The following CCDC117 variants were observed in gnomAD, a reference collection of about 807,000 sequenced individuals.
CCDC117 encodes the protein coiled-coil domain containing 117.
A neutral mutation model predicts 23.5 loss-of-function variants in CCDC117; 1 was observed. The observed-to-expected ratio is 0.04, with a 90% CI of 0.02 to 0.20. The LOEUF is 0.20. Among genes scored for constraint, CCDC117 ranks in the 10% least tolerant of loss-of-function variants. The pLI is 1.00. For missense variants in CCDC117, 383 were observed against 348.2 expected (o/e 1.10, Z -0.80); for synonymous variants, 132 against 124.8 (o/e 1.06, Z -0.39).
At chr22:28,782,250 CTTTTTTTTTT>C (rs34670753) in intron 3 of CCDC117, among the ~76,000 whole-genome samples, 3 of 80,320 alleles carry the variant, frequency 3.7e-5, no homozygotes, top group African/African-American at 1.8e-4. Flanking sequence ...TCTACTGAGC[CTTTTTTTTTT>C]TTTTTTTTTT....
intron 4 of CCDC117, among the ~76,000 whole-genome samples, chr22:28,784,360 C>G (rs922638216): frequency 6.6e-6 from 1 of 152,168 alleles, no homozygotes; most frequent in Non-Finnish European, 1.5e-5. Context: ...TCCTGTAGTC[C>G]GTGAAGCCTC....
intron 4 of CCDC117, 21 bp from the exon 5 acceptor site, chr22:28,786,068 A>C (rs765180063): frequency 7.1e-6 from 11 of 1,557,874 alleles, no homozygotes; most frequent in Non-Finnish European, 8.7e-6. Flanking sequence ...TTTTGATAAA[A>C]GTCTGTATTT....
chr22:28,782,485 C>T (rs750452404), intron 3 of CCDC117, among the ~76,000 whole-genome samples: 1 of 151,724 alleles, frequency 6.6e-6, no homozygotes, highest in Non-Finnish European at 1.5e-5. Context: ...GTTGCTCAGG[C>T]TGGAGTGCAG....
chr22:28,783,185 C>A (rs1328635411), intron 3 of CCDC117, among the ~76,000 whole-genome samples: 1 of 151,992 alleles, frequency 6.6e-6, no homozygotes, highest in Non-Finnish European at 1.5e-5. Context: ...GGATTACAGG[C>A]ATGTGTCACC....
At chr22:28,785,607 A>G (rs2031486762) in intron 4 of CCDC117, among the ~76,000 whole-genome samples, 1 of 152,236 alleles carries the variant, frequency 6.6e-6, no homozygotes, top group African/African-American at 2.4e-5. Flanking sequence ...TACATGTAAT[A>G]TTAACCACAA....
Position 28,786,497 on chromosome 22 carries a change from C to A in CCDC117, c.*171C>A. ...TTTGGGTAGCCATTTATTGACTTCACCTTTTTGCCAAGGACGTTTGTCTCA... is the reference window on the plus strand; with the variant it reads ...TTTGGGTAGCCATTTATTGACTTCAACTTTTTGCCAAGGACGTTTGTCTCA... On this transcript the variant is annotated 3_prime_UTR_variant, in exon 5 of 5. Transcript: ENST00000249064. 1 of 567,808 alleles carries A rather than the reference C, an allele frequency of 1.8e-6. No individual in the cohort carries two copies. The allele number at this position is 567,808 out of a possible 1,614,324, so 35.2% of individuals were successfully genotyped here.
chr22:28,786,372 TGTTCA>T lies in CCDC117; in HGVS notation c.*50_*54del. Reference sequence around the variant, plus strand: ...GTTGTCAAATGTTAGAAGAATCCTGTGTTCAGTTATGAGACTCTTTGCATAGTATA... The same window carrying T: ...GTTGTCAAATGTTAGAAGAATCCTGTGTTATGAGACTCTTTGCATAGTATA... On this transcript the variant is annotated 3_prime_UTR_variant, in exon 5 of 5. Transcript: ENST00000249064. The T allele has an allele frequency of 7.3e-7, 1 of 1,367,994 alleles. No individual in the cohort carries two copies. The highest frequency in any genetic ancestry group is 1.0e-6 in the Non-Finnish European group (1 of 965,828). 84.7% of individuals were successfully genotyped at this position (1,367,994 alleles called of 1,614,324 possible). A position where few individuals can be genotyped will look rare whatever the true frequency, so the allele number is the denominator to read the frequency against.
At position 28,780,937 on chromosome 22, in the gene CCDC117, C is replaced by CT; in HGVS notation, c.240-4dup. 3 of 1,577,508 alleles carry CT rather than the reference C, an allele frequency of 1.9e-6. No individual in the cohort carries two copies. The highest frequency in any genetic ancestry group is 1.8e-5 in the Admixed American group (1 of 55,230). Reference sequence around the variant, plus strand: ...TTGGGATTTTCATTGAATTTTTTTTCTTTTTTTCAGTTGTCCAGTAAGAAA... The same window carrying CT: ...TTGGGATTTTCATTGAATTTTTTTTCTTTTTTTTCAGTTGTCCAGTAAGAAA... On this transcript the variant is annotated splice_polypyrimidine_tract_variant and intron_variant, in intron 2 of 4. Coordinates refer to ENST00000249064, the MANE Select transcript of CCDC117 (RefSeq NM_173510.4).
chr22:28,777,875 T>C (rs902645032), intron 2 of CCDC117, among the ~76,000 whole-genome samples: 35 of 151,544 alleles, frequency 2.3e-4, no homozygotes, highest in Non-Finnish European at 4.7e-4. Context: ...TTTTGAGATG[T>C]ATCCTCGCTC....
intron 3 of CCDC117, among the ~76,000 whole-genome samples, chr22:28,781,640 C>T (rs1198444242): frequency 1.9e-5 from 1 of 51,640 alleles, no homozygotes; most frequent in Non-Finnish European, 3.2e-5. Flanking sequence ...CGTGAGCCAC[C>T]GCACCCGGCC....
At chr22:28,780,255 A>T (rs1334220152) in intron 2 of CCDC117, among the ~76,000 whole-genome samples, 1 of 152,182 alleles carries the variant, frequency 6.6e-6, no homozygotes, top group South Asian at 2.1e-4. Context: ...ATTGGACCCC[A>T]CTATTGGTTG....
At chr22:28,776,586 A>G (rs1363167628) in intron 2 of CCDC117, among the ~76,000 whole-genome samples, 1 of 134,054 alleles carries the variant, frequency 7.5e-6, no homozygotes, top group Non-Finnish European at 1.5e-5. Flanking sequence ...ATGCCCAGCT[A>G]ATTTTTTTTT....
chr22:28,786,625 A>T lies in CCDC117; in HGVS notation c.*299A>T. On this transcript the variant is annotated 3_prime_UTR_variant, in exon 5 of 5. Coordinates refer to ENST00000249064, the MANE Select transcript of CCDC117 (RefSeq NM_173510.4). ...TATGTGTAAGGGTGACTTAAATCAT[A>T]TGTCACATTGTCTAAACTATTCAGA... is the stretch of plus-strand genomic sequence containing the variant. 1 of 284,334 alleles carries T rather than the reference A, an allele frequency of 3.5e-6. No homozygotes were observed. Among genetic ancestry groups the T allele is most frequent in the Non-Finnish European group, 6.7e-6 (1 of 149,912 alleles). 17.6% of individuals were successfully genotyped at this position (284,334 alleles called of 1,614,324 possible).
chr22:28,778,966 T>C (rs1236493280), intron 2 of CCDC117, among the ~76,000 whole-genome samples: 1 of 152,148 alleles, frequency 6.6e-6, no homozygotes, highest in East Asian at 1.9e-4. Flanking sequence ...AATTATTAGA[T>C]GTGTGGGGAA....
chr22:28,773,852 A>C, intron 2 of CCDC117, 74 bp downstream of exon 2: 1 of 1,149,712 alleles, frequency 8.7e-7, no homozygotes, highest in Admixed American at 1.7e-5. Flanking sequence ...AAATTACTTA[A>C]GTGAAAAGGT....
chr22:28,772,938 G>T lies in CCDC117; in HGVS notation c.89G>T (p.Arg30Leu). ...LQPPQPAFPG[R>L]AFPPGADGAE... ...CCGCCGCAGCCGGCCTTCCCCGGCCGGGCCTTCCCGCCGGGGGCTGACGGC... is the reference window on the plus strand; with the variant it reads ...CCGCCGCAGCCGGCCTTCCCCGGCCTGGCCTTCCCGCCGGGGGCTGACGGC... The change falls in exon 1 of 5, where the codon CGG becomes CTG. Residue 30 changes from arginine (R) to leucine (L), a missense_variant. By Grantham distance (102) the Arg-to-Leu change is moderately radical. Transcript: ENST00000249064. The T allele has an allele frequency of 8.2e-7, 1 of 1,219,668 alleles. No homozygotes were observed. The highest frequency in any genetic ancestry group is 3.9e-5 in the South Asian group (1 of 25,556). The allele number at this position is 1,219,668 out of a possible 1,614,324, so 75.6% of individuals were successfully genotyped here.
At chr22:28,783,728 T>G (rs2031427372) in intron 4 of CCDC117, 83 bp downstream of exon 4, 1 of 1,287,146 alleles carries the variant, frequency 7.8e-7, no homozygotes, top group Non-Finnish European at 1.1e-6. Context: ...CCTGTCCTCA[T>G]TAGCTCTTTT....
chr22:28,776,864 G>A (rs1028683604), intron 2 of CCDC117, among the ~76,000 whole-genome samples: 5 of 152,158 alleles, frequency 3.3e-5, no homozygotes, highest in Admixed American at 6.5e-5. Flanking sequence ...GATTACAGGC[G>A]TGAGCCACCG....
At chr22:28,773,077 G>A in intron 1 of CCDC117, 43 bp downstream of exon 1, 1 of 918,636 alleles carries the variant, frequency 1.1e-6, no homozygotes, top group Non-Finnish European at 1.3e-6. Flanking sequence ...GGGCGGGCGG[G>A]CGGGCAGGCT....
Sources: allele counts gnomAD v4.1 joint callset (sites outside exome capture counted in the v4.1 genomes callset), GRCh38; gene constraint gnomAD v4.1.1; transcripts MANE v1.5; gene names NCBI Gene and HGNC (gene_info 2026-07-23, HGNC 2026-07-21).